Variants in NSUN3 observed in about 807,000 individuals in gnomAD.
NSUN3 encodes the protein NOP2/Sun RNA methyltransferase 3.
A neutral mutation model predicts 36.8 loss-of-function variants in NSUN3; 24 were observed. The ratio of observed to expected loss-of-function variants is 0.65; its 90% CI spans 0.47 to 0.92. The LOEUF (loss-of-function observed/expected upper bound fraction) is 0.92, where lower values mean the gene tolerates loss of function less well. Ranked by LOEUF, NSUN3 falls within the 40% of genes least tolerant of loss-of-function variation. The pLI, the probability that NSUN3 is intolerant of heterozygous loss-of-function variation, is 0.00. For synonymous variants in NSUN3, 146 were observed against 145.2 expected (o/e 1.01, Z -0.04); for missense variants, 381 against 392.8 (o/e 0.97, Z 0.25).
chr3:94,124,148 C>CTTTTTTTTTTT (rs58987431), intron 5 of NSUN3, among the ~76,000 whole-genome samples: 3 of 88,186 alleles, frequency 3.4e-5, no homozygotes, highest in African/African-American at 9.2e-5. Flanking sequence ...TATTTTATTT[C>CTTTTTTTTTTT]TTTTTTTTTT....
chr3:94,092,943 A>T (rs1005527680), intron 3 of NSUN3, among the ~76,000 whole-genome samples: 2 of 149,418 alleles, frequency 1.3e-5, no homozygotes, highest in Non-Finnish European at 3.0e-5. Context: ...AAAAAAAAAA[A>T]AAGAAAAGAA....
chr3:94,121,135 G>C (rs183465700), intron 5 of NSUN3, among the ~76,000 whole-genome samples: 1 of 152,278 alleles, frequency 6.6e-6, no homozygotes, highest in East Asian at 1.9e-4. Flanking sequence ...CGCTTCTGGA[G>C]GTCAGAAGTC....
chr3:94,090,865 G>A (rs1288635943), intron 3 of NSUN3, among the ~76,000 whole-genome samples: 1 of 152,030 alleles, frequency 6.6e-6, no homozygotes, highest in Non-Finnish European at 1.5e-5. Flanking sequence ...CAAAGCCAGA[G>A]CCTACCCAAG....
intron 5 of NSUN3, among the ~76,000 whole-genome samples, chr3:94,123,462 A>G (rs1036613600): frequency 3.3e-5 from 5 of 152,204 alleles, no homozygotes; most frequent in African/African-American, 9.6e-5. Context: ...CACTGATACC[A>G]GTCTGATTCC....
chr3:94,086,644 A>G (rs920008269), intron 3 of NSUN3, among the ~76,000 whole-genome samples: 2 of 152,248 alleles, frequency 1.3e-5, no homozygotes, highest in African/African-American at 2.4e-5. Flanking sequence ...AGTTAACTGT[A>G]TATTTAGGAG....
chr3:94,117,108 C>G (rs1038891877), intron 5 of NSUN3, among the ~76,000 whole-genome samples: 8 of 149,658 alleles, frequency 5.3e-5, no homozygotes, highest in East Asian at 2.0e-4. Context: ...AAGTGATTCT[C>G]CTGTCTTAGC....
intron 3 of NSUN3, 113 bp downstream of exon 3, chr3:94,084,563 C>A: frequency 5.4e-6 from 4 of 737,260 alleles, no homozygotes; most frequent in Non-Finnish European, 8.4e-6. Flanking sequence ...ACTCAGGAAG[C>A]CTGAAAACTG....
At position 94,126,571 on chromosome 3, in the gene NSUN3, C is replaced by A; in HGVS notation, c.*81C>A. 1 of 1,258,102 alleles carries A rather than the reference C, an allele frequency of 7.9e-7. No homozygotes were observed. The highest frequency in any genetic ancestry group is 1.1e-6 in the Non-Finnish European group (1 of 910,172). The allele number at this position is 1,258,102 out of a possible 1,614,324, so 77.9% of individuals were successfully genotyped here. On this transcript the variant is annotated 3_prime_UTR_variant, in exon 6 of 6. Transcript: ENST00000314622. ...ACATGTTAATATTTAAATAATTATG[C>A]AGTAACTTTCTCTGGGTCTGTTTGG...
In NSUN3 at chr3:94,103,085, C is replaced by A. The variant is rs578177352; in HGVS notation, c.743+7931C>A. 5.3e-4 allele frequency among the ~76,000 whole-genome samples: 81 copies of A among 152,150 alleles called. No individual in the cohort carries two copies. The East Asian group carries it at 0.014, about 26-fold the overall frequency. On this transcript the variant is annotated intron_variant, in intron 5 of 5. Transcript: ENST00000314622. Reference sequence around the variant, plus strand: ...TATTTTTAGCAGAGATGGGGTTTTACCATGTTGGCCTGGCTGGTTTCAAAC... The same window carrying A: ...TATTTTTAGCAGAGATGGGGTTTTAACATGTTGGCCTGGCTGGTTTCAAAC...
At chr3:94,086,369 T>C (rs1276338404) in intron 3 of NSUN3, among the ~76,000 whole-genome samples, 2 of 152,242 alleles carry the variant, frequency 1.3e-5, no homozygotes, top group Non-Finnish European at 2.9e-5. Context: ...ATTTGTAAAG[T>C]TGGTGAAGGA....
At chr3:94,095,214 T>TGTCACATGTC in intron 5 of NSUN3, 60 bp downstream of exon 5, 1 of 1,546,492 alleles carries the variant, frequency 6.5e-7, no homozygotes, top group South Asian at 1.1e-5. Context: ...ACAGGCATAA[T>TGTCACATGTC]AGAACATGTC....
At chr3:94,120,787 A>T (rs531185174) in intron 5 of NSUN3, among the ~76,000 whole-genome samples, 22 of 152,154 alleles carry the variant, frequency 1.4e-4, no homozygotes, top group Middle Eastern at 6.3e-3. Flanking sequence ...GGGGAATATG[A>T]CCAGAAGTGG....
At chr3:94,118,552 C>A (rs1426878599) in intron 5 of NSUN3, among the ~76,000 whole-genome samples, 1 of 152,092 alleles carries the variant, frequency 6.6e-6, no homozygotes, top group African/African-American at 2.4e-5. Context: ...CGACATTACT[C>A]AGGATCTTGT....
intron 2 of NSUN3, chr3:94,076,969 C>A: frequency 1.0e-6 from 1 of 970,500 alleles, no homozygotes; most frequent in Admixed American, 1.7e-5. Flanking sequence ...TGTGTGTGTA[C>A]CCAGGACAAG....
chr3:94,112,630 G>T (rs570678202), intron 5 of NSUN3, among the ~76,000 whole-genome samples: 2 of 152,170 alleles, frequency 1.3e-5, no homozygotes, highest in African/African-American at 4.8e-5. Flanking sequence ...GCAACTAGTA[G>T]GAAGGAGTCA....
intron 5 of NSUN3, among the ~76,000 whole-genome samples, chr3:94,108,770 A>G (rs1470646398): frequency 6.6e-6 from 1 of 151,980 alleles, no homozygotes; most frequent in Non-Finnish European, 1.5e-5. Flanking sequence ...GGTTCCATCA[A>G]TTCTCCTGCC....
intron 5 of NSUN3, among the ~76,000 whole-genome samples, chr3:94,105,210 C>A (rs1375847709): frequency 6.6e-6 from 1 of 152,122 alleles, no homozygotes; most frequent in Non-Finnish European, 1.5e-5. Context: ...GCTCTGTGTT[C>A]TTTTTGCCTC....
At chr3:94,109,479 T>C (rs2077407261) in intron 5 of NSUN3, among the ~76,000 whole-genome samples, 1 of 152,216 alleles carries the variant, frequency 6.6e-6, no homozygotes, top group Non-Finnish European at 1.5e-5. Flanking sequence ...GTAGTCTGTT[T>C]TATTGCGTCA....
intron 5 of NSUN3, among the ~76,000 whole-genome samples, chr3:94,102,333 GTTTATAT>G: frequency 6.6e-6 from 1 of 151,734 alleles, no homozygotes; most frequent in African/African-American, 2.4e-5. Flanking sequence ...AAATTGATGT[GTTTATAT>G]TGGAAAAATA....
Sources: allele counts gnomAD v4.1 joint callset (sites outside exome capture counted in the v4.1 genomes callset), GRCh38; gene constraint gnomAD v4.1.1; transcripts MANE v1.5; gene names NCBI Gene and HGNC (gene_info 2026-07-23, HGNC 2026-07-21).